The following RUBCNL variants were observed in gnomAD, a reference collection of about 807,000 sequenced individuals.
RUBCNL encodes the protein protein associated with UVRAG as autophagy enhancer.
In RUBCNL, 62 loss-of-function variants were observed where a neutral mutation model predicts 69.5. The observed-to-expected ratio is 0.89, with a 90% CI of 0.73 to 1.10. The LOEUF (loss-of-function observed/expected upper bound fraction) is 1.10. Ranked by LOEUF, RUBCNL falls within the 50% of genes least tolerant of loss-of-function variation. The pLI is 0.00. For synonymous variants in RUBCNL, 291 were observed against 303.6 expected (o/e 0.96, Z 0.43); for missense variants, 768 against 798.1 (o/e 0.96, Z 0.45).
intron 5 of RUBCNL, among the ~76,000 whole-genome samples, chr13:46,366,857 T>C (rs1236475349): frequency 6.6e-6 from 1 of 152,146 alleles, no homozygotes; most frequent in African/African-American, 2.4e-5. Context: ...GCATTTTAAG[T>C]CACCCAGAAA....
chr13:46,364,799 G>T (rs2048713246), intron 5 of RUBCNL, among the ~76,000 whole-genome samples: 1 of 150,536 alleles, frequency 6.6e-6, no homozygotes, highest in South Asian at 2.1e-4. Flanking sequence ...CACAAAAGAA[G>T]TACTTAATAA....
At chr13:46,345,784 T>C (rs756971050) in intron 12 of RUBCNL, among the ~76,000 whole-genome samples, 184 bp from the exon 13 acceptor site, 5 of 152,170 alleles carry the variant, frequency 3.3e-5, no homozygotes, top group African/African-American at 9.7e-5. Context: ...GCAAGTTTGC[T>C]TGGAAGCCAG....
At chr13:46,367,943 G>T (rs2048794116) in intron 5 of RUBCNL, 99 bp downstream of exon 5, 3 of 1,139,520 alleles carry the variant, frequency 2.6e-6, no homozygotes, top group Non-Finnish European at 3.9e-6. Flanking sequence ...GGCTTCCACT[G>T]GGAGTCTTGG....
At chr13:46,370,246 G>C (rs61948084) in intron 3 of RUBCNL, among the ~76,000 whole-genome samples, 14,034 of 152,260 alleles carry the variant, frequency 0.092, 874 homozygotes, top group Non-Finnish European at 0.14. Context: ...AGGAGATAAA[G>C]GAAGGTGAAA....
At chr13:46,361,418 G>A in intron 8 of RUBCNL, 23 bp downstream of exon 8, 1 of 1,611,646 alleles carries the variant, frequency 6.2e-7, no homozygotes, top group Admixed American at 1.7e-5. Context: ...TTCAATTCAA[G>A]GTCAATTTTT....
chr13:46,335,254 G>GTT lies in RUBCNL; in HGVS notation c.*8129_*8130dup, dbSNP rs1232528360. Among the ~76,000 whole-genome samples the GTT allele has an allele frequency of 4.0e-4, 43 of 107,238 alleles. No homozygotes were observed. The highest frequency in any genetic ancestry group is 1.6e-3 in the African/African-American group (42 of 26,356). 70.4% of individuals were successfully genotyped at this position (107,238 alleles called of 152,430 possible). On this transcript the variant is annotated 3_prime_UTR_variant, in exon 15 of 15. Coordinates refer to ENST00000429979, the MANE Select transcript of RUBCNL (RefSeq NM_025113.5). Reference sequence around the variant, plus strand: ...TAATTTGTGTCTTTTTGTTGTTGTTGTTGTTGTTTTTTTTTTTTTTTTTTT... The same window carrying GTT: ...TAATTTGTGTCTTTTTGTTGTTGTTGTTTTGTTGTTTTTTTTTTTTTTTTTTT...
rs949778124 is a variant in RUBCNL, at chr13:46,342,598, A to T, written c.*787T>A. ...TTCATTATTTCCCCCAGTTCGTTTA[A>T]ATCTGCAAATACCTTATGTTCAGTT... On this transcript the variant is annotated 3_prime_UTR_variant, in exon 15 of 15. Transcript: ENST00000429979. 2 of 152,192 alleles carry T rather than the reference A, an allele frequency of 1.3e-5. No homozygotes were observed. The highest frequency in any genetic ancestry group is 2.9e-5 in the Non-Finnish European group (2 of 68,032). The allele number at this position is 152,192 out of a possible 1,614,324, so 9.4% of individuals were successfully genotyped here.
In RUBCNL at chr13:46,372,497, G is replaced by GTTT. The variant is rs765521363; in HGVS notation, c.-23_-22insAAA. On this transcript the variant is annotated 5_prime_UTR_variant, in exon 3 of 15. Transcript: ENST00000429979. ...CCATCTTTCCAGGCTTGTGGCTGGT[G>GTTT]TGAATCCATTCAAAACAGATAGGAG... The GTTT allele has an allele frequency of 2.5e-6, 4 of 1,575,252 alleles. No homozygotes were observed. The highest frequency in any genetic ancestry group is 2.0e-4 in the Middle Eastern group (1 of 4,978).
At position 46,343,313 on chromosome 13, in the gene RUBCNL, C is replaced by T; in HGVS notation, c.*72G>A. On this transcript the variant is annotated 3_prime_UTR_variant, in exon 15 of 15. Coordinates refer to ENST00000429979, the MANE Select transcript of RUBCNL (RefSeq NM_025113.5). ...CAATACCCAATATCTAAAACAATGT[C>T]ACCAATAATAGACACAAATCGGTGT... The T allele has an allele frequency of 6.4e-7, 1 of 1,563,568 alleles. No homozygotes were observed. Among genetic ancestry groups the T allele is most frequent in the South Asian group, 1.2e-5 (1 of 85,712 alleles).
At position 46,339,046 on chromosome 13, in the gene RUBCNL, CAA is replaced by C. The variant is rs57707207; in HGVS notation, c.*4337_*4338del. On this transcript the variant is annotated 3_prime_UTR_variant, in exon 15 of 15. Coordinates refer to ENST00000429979, the MANE Select transcript of RUBCNL (RefSeq NM_025113.5). Reference sequence around the variant, plus strand: ...TGGGCGACAGAGCGAGACCCTGTCTCAAAAAAAAAAAAAAAAGTGCAAGGAAA... The same window carrying C: ...TGGGCGACAGAGCGAGACCCTGTCTCAAAAAAAAAAAAAAGTGCAAGGAAA... Among the ~76,000 whole-genome samples the C allele has an allele frequency of 0.34, 44,187 of 128,644 alleles. 6,664 individuals are homozygous for C. Among genetic ancestry groups the C allele is most frequent in the Middle Eastern group, 0.41 (102 of 250 alleles). 84.4% of individuals were successfully genotyped at this position (128,644 alleles called of 152,430 possible).
chr13:46,368,143 C>T lies in RUBCNL; in HGVS notation c.725G>A (p.Ser242Asn). ...AGGCTGATCACTCCCAAGTAACCCA[C>T]TGACTTCTTTACTCCAGCTCTCTGT... ...QQTESWSKEV[S>N]GLLGSDQPDS... The change falls in exon 5 of 15, where the codon AGT (serine) becomes AAT (asparagine). Residue 242 changes from serine to asparagine, a missense_variant. Transcript: ENST00000429979. 1 of 1,614,016 alleles carries T rather than the reference C, an allele frequency of 6.2e-7. No individual in the cohort carries two copies. Among genetic ancestry groups the T allele is most frequent in the Non-Finnish European group, 8.5e-7 (1 of 1,179,886 alleles).
chr13:46,359,425 G>A, intron 9 of RUBCNL, 61 bp downstream of exon 9: 3 of 1,447,486 alleles, frequency 2.1e-6, no homozygotes, highest in Non-Finnish European at 2.8e-6. Flanking sequence ...ATAGAGTCAG[G>A]TGGGATCTGT....
chr13:46,371,820 C>T, intron 3 of RUBCNL, 121 bp downstream of exon 3: 1 of 1,020,272 alleles, frequency 9.8e-7, no homozygotes, highest in Non-Finnish European at 1.4e-6. Context: ...GGCTGGGCTG[C>T]TGACAATATT....
At chr13:46,385,561 T>C (rs998440934) in intron 1 of RUBCNL, among the ~76,000 whole-genome samples, 3 of 152,114 alleles carry the variant, frequency 2.0e-5, no homozygotes, top group Non-Finnish European at 4.4e-5. Flanking sequence ...ACTATTCAAA[T>C]TTGCCAGTGC....
rs1040870303 is a variant in RUBCNL, at chr13:46,337,640, A to T, written c.*5745T>A. On this transcript the variant is annotated 3_prime_UTR_variant, in exon 15 of 15. Coordinates refer to ENST00000429979, the MANE Select transcript of RUBCNL (RefSeq NM_025113.5). The stretch of plus-strand genomic sequence containing the variant: ...CTAGCGTAAGGTATTTTATTATAGC[A>T]GCCTAAACAGACTACGACAGTGACA... Among the ~76,000 whole-genome samples, 1 of 152,210 alleles carries T rather than the reference A, an allele frequency of 6.6e-6. No individual in the cohort carries two copies. The highest frequency in any genetic ancestry group is 1.5e-5 in the Non-Finnish European group (1 of 68,046).
At chr13:46,353,110 GC>G (rs1815537106) in intron 10 of RUBCNL, among the ~76,000 whole-genome samples, 1 of 152,134 alleles carries the variant, frequency 6.6e-6, no homozygotes, top group Non-Finnish European at 1.5e-5. Flanking sequence ...CTCCTCCTCC[GC>G]TGCATTCGAT....
intron 13 of RUBCNL, 81 bp from the exon 14 acceptor site, chr13:46,344,912 A>T: frequency 1.1e-6 from 1 of 897,128 alleles, no homozygotes; most frequent in Admixed American, 2.1e-5. Flanking sequence ...CTTTATAAAC[A>T]TCAGTGTTTC....
rs2048102323 is a variant in RUBCNL at position 46,335,902 on chromosome 13, T to G, written c.*7483A>C. Among the ~76,000 whole-genome samples the G allele has an allele frequency of 6.6e-6, 1 of 152,174 alleles. No individual in the cohort carries two copies. The highest frequency in any genetic ancestry group is 1.5e-5 in the Non-Finnish European group (1 of 68,032). On this transcript the variant is annotated 3_prime_UTR_variant, in exon 15 of 15. Transcript: ENST00000429979. ...TGAGTACCAGCCTCTGGGCTGAAGC[T>G]ACAAATTTAGAGTCATTCAAAGCTA...
In RUBCNL at chr13:46,371,941, C is replaced by G. The variant is rs140036142; in HGVS notation, c.535G>C (p.Gly179Arg). 1,085 of 1,613,676 alleles carry G rather than the reference C, an allele frequency of 6.7e-4. 16 individuals are homozygous for G. In the East Asian group the frequency reaches 0.022, roughly 33 times the overall value. ...GAGGGAGGTCACCTACTAAAATTAC[C>G]TTCATCAGCAGCAGATGTCAGATGG... ...PSHLTSAADE[G>R]AVQVSRRTIS... The change falls in exon 3 of 15, where the codon GGT (glycine) becomes CGT (arginine). Residue 179 changes from glycine to arginine, a missense_variant and splice_region_variant. Physicochemically the swap from Gly to Arg is moderately radical, Grantham distance 125. Transcript: ENST00000429979.
Sources: gnomAD v4.1 joint callset for allele counts (sites outside exome capture counted in the v4.1 genomes callset) on GRCh38, gnomAD v4.1.1 for gene constraint, MANE v1.5 for transcripts, NCBI Gene and HGNC (gene_info 2026-07-23, HGNC 2026-07-21) for gene names.